SLC16A7: variants seen among roughly 807,000 people sequenced by gnomAD.
SLC16A7 encodes the protein solute carrier family 16 member 7, also known as monocarboxylate transporter 2.
Under a neutral mutation model 34.9 loss-of-function variants are expected in SLC16A7, and 33 were observed. That is an observed-to-expected ratio of 0.94 (90% CI 0.72 to 1.26). The LOEUF (loss-of-function observed/expected upper bound fraction) is 1.26, where lower values mean the gene tolerates loss of function less well. Among genes scored for constraint, SLC16A7 ranks in the 50% most tolerant of loss-of-function variants. The pLI, the probability that SLC16A7 is intolerant of heterozygous loss-of-function variation, is 0.00. For missense variants in SLC16A7, 573 were observed against 578.1 expected, an observed-to-expected ratio of 0.99 and a Z score of 0.09; for synonymous variants, 201 against 206.6, an observed-to-expected ratio of 0.97 and a Z score of 0.23.
At chr12:59,606,221 T>G (rs1033045671) in intron 1 of SLC16A7, among the ~76,000 whole-genome samples, 12 of 152,194 alleles carry the variant, frequency 7.9e-5, no homozygotes, top group African/African-American at 2.9e-4. Flanking sequence ...CTGGCACATA[T>G]ATGAGGAGAT....
intron 1 of SLC16A7, among the ~76,000 whole-genome samples, chr12:59,615,624 A>G (rs950234765): frequency 1.3e-5 from 2 of 152,216 alleles, no homozygotes; most frequent in African/African-American, 4.8e-5. Context: ...ACCTGCATCA[A>G]TAATAATACC....
At chr12:59,609,629 G>T (rs1292634106) in intron 1 of SLC16A7, among the ~76,000 whole-genome samples, 1 of 152,100 alleles carries the variant, frequency 6.6e-6, no homozygotes, top group Non-Finnish European at 1.5e-5. Context: ...TGGTTTCTGA[G>T]CCAATTTTGT....
chr12:59,602,057 A>G (rs1190415558), intron 1 of SLC16A7, among the ~76,000 whole-genome samples: 1 of 152,224 alleles, frequency 6.6e-6, no homozygotes, highest in Non-Finnish European at 1.5e-5. Context: ...TGGAATGGTG[A>G]TCCATATGGT....
At chr12:59,744,700 C>A (rs1228645688) in intron 3 of SLC16A7, among the ~76,000 whole-genome samples, 1 of 152,174 alleles carries the variant, frequency 6.6e-6, no homozygotes, top group Non-Finnish European at 1.5e-5. Flanking sequence ...CTGTGGACGG[C>A]AAAAGCTAAA....
At chr12:59,678,389 C>A (rs901429636) in intron 2 of SLC16A7, among the ~76,000 whole-genome samples, 12 of 152,114 alleles carry the variant, frequency 7.9e-5, no homozygotes, top group African/African-American at 2.9e-4. Flanking sequence ...AGGAGACCTG[C>A]AGTAGGTAGC....
At position 59,596,262 on chromosome 12, in the gene SLC16A7, AGAG is replaced by A. The variant is rs954701794; in HGVS notation, c.-130+46_-130+48del. On this transcript the variant is annotated intron_variant, in intron 1 of 5. Transcript: ENST00000547379. This position sits in a 1 kb window ranked among gnomAD's most constrained non-coding sequence, Gnocchi z 5.0. ...GTAAGTACAGCTGGGGAGGGAGGGG[AGAG>A]GAGGAGGAGGAGGAGGAGGTGCCGG... The A allele has an allele frequency of 2.9e-4, 44 of 151,584 alleles. No individual in the cohort carries two copies. Among genetic ancestry groups the A allele is most frequent in the Non-Finnish European group, 4.1e-4 (28 of 68,094 alleles). The allele number at this position is 151,584 out of a possible 1,614,324, so 9.4% of individuals were successfully genotyped here.
intron 2 of SLC16A7, among the ~76,000 whole-genome samples, chr12:59,666,734 A>C (rs1251993910): frequency 3.3e-5 from 5 of 151,844 alleles, no homozygotes; most frequent in Non-Finnish European, 7.4e-5. Context: ...CAGTGAGTCC[A>C]TTAAACCTTT....
rs373456110 is a variant in SLC16A7 at position 59,776,906 on chromosome 12, A to G, written c.1180+1431A>G. The stretch of plus-strand genomic sequence containing the variant: ...TTTATCAGGCAGTTGATTTTGTTAC[A>G]TAAGATAAGCACAATTGGTCCTTCT... On this transcript the variant is annotated intron_variant, in intron 5 of 5. Transcript: ENST00000547379. Among the ~76,000 whole-genome samples the G allele has an allele frequency of 8.5e-5, 13 of 152,278 alleles. 2 individuals carry two copies. The highest frequency in any genetic ancestry group is 3.1e-4 in the African/African-American group (13 of 41,564).
chr12:59,672,469 T>C (rs554563774), intron 2 of SLC16A7, among the ~76,000 whole-genome samples: 150 of 151,968 alleles, frequency 9.9e-4, no homozygotes, highest in African/African-American at 3.6e-3. Context: ...CCCTCTACCA[T>C]GTAGAGCATG....
At chr12:59,715,977 A>G (rs1234822803) in intron 3 of SLC16A7, among the ~76,000 whole-genome samples, 1 of 152,172 alleles carries the variant, frequency 6.6e-6, no homozygotes, top group Non-Finnish European at 1.5e-5. Context: ...AGTTTACTGA[A>G]GTTCTTTTTA....
intron 1 of SLC16A7, among the ~76,000 whole-genome samples, chr12:59,616,949 G>T (rs1055438925): frequency 6.6e-6 from 1 of 151,984 alleles, no homozygotes; most frequent in Non-Finnish European, 1.5e-5. Flanking sequence ...AGGTTTTATA[G>T]GTTTTGTTAT....
At chr12:59,714,646 C>T (rs1874678612) in intron 3 of SLC16A7, among the ~76,000 whole-genome samples, 1 of 152,078 alleles carries the variant, frequency 6.6e-6, no homozygotes, top group African/African-American at 2.4e-5. Flanking sequence ...CTCACTGCAA[C>T]CTCCGCCTCC....
chr12:59,677,061 GTA>G (rs887799940), intron 2 of SLC16A7, among the ~76,000 whole-genome samples: 174 of 151,778 alleles, frequency 1.1e-3, no homozygotes, highest in African/African-American at 4.1e-3. Flanking sequence ...TCGTGTGTGT[GTA>G]TGTGTTTTTT....
chr12:59,704,199 C>CAAAAAAAAAAAAAAAAAAAAAA (rs34021022), intron 2 of SLC16A7, among the ~76,000 whole-genome samples: 14 of 51,598 alleles, frequency 2.7e-4, no homozygotes, highest in African/African-American at 5.5e-4. Context: ...GACTCTGTCT[C>CAAAAAAAAAAAAAAAAAAAAAA]AAAAAAAAAA....
At chr12:59,702,110 G>A (rs1872956733) in intron 2 of SLC16A7, among the ~76,000 whole-genome samples, 1 of 151,682 alleles carries the variant, frequency 6.6e-6, no homozygotes, top group Non-Finnish European at 1.5e-5. Flanking sequence ...AATAAAATAG[G>A]TACTTTAAAA....
At chr12:59,606,513 A>T (rs1051682338) in intron 1 of SLC16A7, among the ~76,000 whole-genome samples, 2 of 152,202 alleles carry the variant, frequency 1.3e-5, no homozygotes, top group African/African-American at 4.8e-5. Flanking sequence ...TGTTTTATAC[A>T]TATTTTGAAT....
chr12:59,618,441 G>A (rs1424530164), intron 1 of SLC16A7, among the ~76,000 whole-genome samples: 1 of 151,950 alleles, frequency 6.6e-6, no homozygotes, highest in Non-Finnish European at 1.5e-5. Context: ...GGGCAAAAAA[G>A]ATGAGTAAAA....
intron 2 of SLC16A7, among the ~76,000 whole-genome samples, chr12:59,702,372 A>C (rs1422329016): frequency 6.6e-6 from 1 of 152,044 alleles, no homozygotes; most frequent in South Asian, 2.1e-4. Context: ...TAGATAGAAG[A>C]CAGAAAACGT....
intron 2 of SLC16A7, among the ~76,000 whole-genome samples, chr12:59,684,937 T>A (rs775219347): frequency 6.6e-6 from 1 of 152,040 alleles, no homozygotes; most frequent in Non-Finnish European, 1.5e-5. Flanking sequence ...TTCCTAATAA[T>A]TTTGTTACTT....
Sources: gnomAD v4.1 joint callset for allele counts (sites outside exome capture counted in the v4.1 genomes callset) on GRCh38, gnomAD v4.1.1 for gene constraint, Gnocchi (gnomAD v3.1) non-coding constraint, MANE v1.5 for transcripts, NCBI Gene and HGNC (gene_info 2026-07-23, HGNC 2026-07-21) for gene names.